The following FBXL5 variants were observed in gnomAD, a reference collection of about 807,000 sequenced individuals.
FBXL5 encodes the protein F-box/LRR-repeat protein 5.
FBXL5 carries 26 observed loss-of-function variants against 78.3 expected under a neutral mutation model. That is an observed-to-expected ratio of 0.33 (90% confidence interval 0.24 to 0.46). FBXL5 has a LOEUF of 0.46. FBXL5 is among the 20% of genes least tolerant of loss of function. The pLI is 1.00. For missense variants in FBXL5, 710 were observed against 829.2 expected, an observed-to-expected ratio of 0.86 and a Z score of 1.77; for synonymous variants, 295 against 282.5, an observed-to-expected ratio of 1.04 and a Z score of -0.45.
intron 10 of FBXL5, among the ~76,000 whole-genome samples, chr4:15,607,051 T>C (rs945054705): frequency 4.6e-5 from 7 of 152,144 alleles, no homozygotes; most frequent in Non-Finnish European, 8.8e-5. Flanking sequence ...TCTTAAGACA[T>C]ACAGTCTTAG....
Position 15,611,106 on chromosome 4 carries a change from G to A in FBXL5, c.1999+1160C>T, listed in dbSNP as rs568869060. On this transcript the variant is annotated intron_variant, in intron 10 of 10. Coordinates refer to ENST00000341285, the MANE Select transcript of FBXL5 (RefSeq NM_012161.4). ...ACCAACTATGATGACATTCACTTTG[G>A]CCATTCCTTGATTATACACAGAAGG... is the stretch of plus-strand genomic sequence containing the variant. 2.6e-5 allele frequency among the ~76,000 whole-genome samples: 4 copies of A among 151,860 alleles called. No individual in the cohort carries two copies. The East Asian group carries it at 7.7e-4, about 29-fold the overall frequency.
intron 1 of FBXL5, among the ~76,000 whole-genome samples, chr4:15,654,143 A>G (rs937302797): frequency 3.9e-5 from 6 of 152,328 alleles, no homozygotes; most frequent in Admixed American, 3.9e-4. Flanking sequence ...CTGAGCTATG[A>G]AACACCCCTC....
intron 9 of FBXL5, among the ~76,000 whole-genome samples, chr4:15,615,209 G>T (rs990166093): frequency 1.3e-5 from 2 of 152,176 alleles, no homozygotes; most frequent in African/African-American, 4.8e-5. Context: ...CACTCCATGG[G>T]CTCCTGTGCC....
chr4:15,622,788 C>T (rs1260404348), intron 9 of FBXL5, among the ~76,000 whole-genome samples: 5 of 152,188 alleles, frequency 3.3e-5, no homozygotes, highest in African/African-American at 1.2e-4. Flanking sequence ...TGCACTCAGA[C>T]AAGACTTTTT....
At chr4:15,674,204 G>GT (rs35166916) in intron 1 of FBXL5, among the ~76,000 whole-genome samples, 35,249 of 140,168 alleles carry the variant, frequency 0.25, 4,406 homozygotes, top group African/African-American at 0.29. Context: ...AATGCATCGT[G>GT]TTTTTTTTTT....
chr4:15,634,585 T>C (rs541543784), intron 5 of FBXL5, among the ~76,000 whole-genome samples: 1 of 152,092 alleles, frequency 6.6e-6, no homozygotes, highest in African/African-American at 2.4e-5. Context: ...CAGGCTGGTC[T>C]CAAACTCCTG....
chr4:15,633,290 T>C (rs764300655), intron 5 of FBXL5, among the ~76,000 whole-genome samples: 1 of 152,218 alleles, frequency 6.6e-6, no homozygotes, highest in African/African-American at 2.4e-5. Flanking sequence ...AACTTTTTTA[T>C]AGAAATAAGC....
At chr4:15,628,071 C>A in intron 6 of FBXL5, 38 bp from the exon 7 acceptor site, 1 of 1,591,944 alleles carries the variant, frequency 6.3e-7, no homozygotes. Flanking sequence ...ACTTGATAAA[C>A]TGATAATAAT....
chr4:15,631,423 G>A (rs1713650056), intron 5 of FBXL5, among the ~76,000 whole-genome samples: 1 of 152,180 alleles, frequency 6.6e-6, no homozygotes, highest in Non-Finnish European at 1.5e-5. Context: ...AATCCTTTGG[G>A]TATATACCCA....
chr4:15,674,780 G>C (rs891275602), intron 1 of FBXL5, among the ~76,000 whole-genome samples: 1 of 151,886 alleles, frequency 6.6e-6, no homozygotes, highest in Admixed American at 6.6e-5. Flanking sequence ...CTCCCTAGTA[G>C]CTGGGACTAC....
rs1713134953 is a variant in FBXL5, at chr4:15,627,080, T to C, written c.1042-125A>G. 8.7e-6 allele frequency: 4 copies of C among 459,310 alleles called. No individual in the cohort carries two copies. In the East Asian group the frequency reaches 1.5e-4, roughly 17 times the overall value. 28.5% of individuals were successfully genotyped at this position (459,310 alleles called of 1,614,324 possible). ...TGAATATAAAAAAAAATCACTTGAATACTTGAAAAAAGTATAATAAAATAT... is the reference window on the plus strand; with the variant it reads ...TGAATATAAAAAAAAATCACTTGAACACTTGAAAAAAGTATAATAAAATAT... On this transcript the variant is annotated intron_variant, in intron 7 of 10. Transcript: ENST00000341285.
At chr4:15,664,914 A>G (rs1362097735) in intron 1 of FBXL5, among the ~76,000 whole-genome samples, 1 of 152,050 alleles carries the variant, frequency 6.6e-6, no homozygotes, top group Non-Finnish European at 1.5e-5. Context: ...ACAGGTACAA[A>G]TGTCACAATA....
intron 1 of FBXL5, among the ~76,000 whole-genome samples, chr4:15,653,935 A>C (rs893328664): frequency 6.6e-6 from 1 of 152,250 alleles, no homozygotes; most frequent in Non-Finnish European, 1.5e-5. Flanking sequence ...AAGGCTAATA[A>C]GCAACCAAGG....
Position 15,644,680 on chromosome 4 carries a change from T to C in FBXL5, c.113A>G (p.Asn38Ser), listed in dbSNP as rs752203437. ...AGACTGCAGAAGAGCACGGAAATCG[T>C]TGTTGTTGGAAAAATTGGTTTTAGA... ...KLSKTNFSNN[N>S]DFRALLQSLY... The change falls in exon 2 of 11, where the codon AAC (asparagine) becomes AGC (serine). Residue 38 changes from asparagine (N) to serine (S), a missense_variant. By Grantham distance (46) the Asn-to-Ser change is conservative. This residue lies in a region of FBXL5 where 132 missense variants were observed against 156.9 expected (regional missense o/e 0.84). Transcript: ENST00000341285. 1.2e-6 allele frequency: 2 copies of C among 1,609,668 alleles called. No homozygotes were observed. The highest frequency in any genetic ancestry group is 1.7e-5 in the Admixed American group (1 of 59,172).
chr4:15,623,856 T>C (rs1712734678), intron 9 of FBXL5, among the ~76,000 whole-genome samples: 1 of 151,744 alleles, frequency 6.6e-6, no homozygotes, highest in African/African-American at 2.4e-5. Context: ...GGAATTTCGC[T>C]CTGTCGCCCA....
At chr4:15,680,894 A>T (rs1406011081) in intron 1 of FBXL5, among the ~76,000 whole-genome samples, 4 of 149,346 alleles carry the variant, frequency 2.7e-5, no homozygotes, top group Non-Finnish European at 5.9e-5. Flanking sequence ...ACCCAAAAAA[A>T]TAAAGCAGTA....
intron 1 of FBXL5, among the ~76,000 whole-genome samples, chr4:15,675,696 C>T (rs1276071992): frequency 6.6e-6 from 1 of 151,452 alleles, no homozygotes; most frequent in Non-Finnish European, 1.5e-5. Context: ...ATTCTCCTGC[C>T]TCAGCCTCCC....
At chr4:15,612,098 T>G (rs1722308754) in intron 10 of FBXL5, 168 bp downstream of exon 10, 5 of 526,038 alleles carry the variant, frequency 9.5e-6, no homozygotes, top group Non-Finnish European at 1.6e-5. Context: ...TTCAAGATGT[T>G]AATTAATGAA....
intron 4 of FBXL5, 61 bp from the exon 5 acceptor site, chr4:15,636,737 A>G (rs1714325920): frequency 8.1e-7 from 1 of 1,231,246 alleles, no homozygotes. Flanking sequence ...ATAAGAAATT[A>G]CAATTACATT....
Sources: gnomAD v4.1 joint callset for allele counts (sites outside exome capture counted in the v4.1 genomes callset) on GRCh38, gnomAD v4.1.1 for gene constraint, gnomAD v4.1.1 regional missense constraint, MANE v1.5 for transcripts, NCBI Gene and HGNC (gene_info 2026-07-23, HGNC 2026-07-21) for gene names.